Variants in ATRN observed in about 807,000 individuals in gnomAD.
ATRN encodes attractin-2.
ATRN carries 54 observed loss-of-function variants against 178.7 expected under a neutral mutation model. That is an observed-to-expected ratio of 0.30 (90% CI 0.24 to 0.38). The LOEUF (loss-of-function observed/expected upper bound fraction) is 0.38, where lower values mean the gene tolerates loss of function less well. Ranked by LOEUF, ATRN falls within the 10% of genes least tolerant of loss-of-function variation. The pLI is 1.00. For missense variants in ATRN, 1,443 were observed against 1,815.1 expected (o/e 0.79, Z 3.73); for synonymous variants, 636 against 663.0 (o/e 0.96, Z 0.63).
intron 24 of ATRN, among the ~76,000 whole-genome samples, chr20:3,612,201 A>T (rs946066968): frequency 6.6e-6 from 1 of 152,252 alleles, no homozygotes; most frequent in Non-Finnish European, 1.5e-5. Flanking sequence ...TGAACTGTTG[A>T]TATACAGAAA....
intron 22 of ATRN, among the ~76,000 whole-genome samples, chr20:3,600,211 T>C (rs2086589910): frequency 6.6e-6 from 1 of 152,196 alleles, no homozygotes; most frequent in African/African-American, 2.4e-5. Flanking sequence ...GCTTAACAGA[T>C]TCCTCAGCAA....
intron 1 of ATRN, among the ~76,000 whole-genome samples, chr20:3,504,094 G>C (rs897970766): frequency 6.6e-6 from 1 of 152,118 alleles, no homozygotes; most frequent in East Asian, 1.9e-4. Flanking sequence ...TAGATTTTCT[G>C]TATGAAAACA....
At chr20:3,475,356 T>C (rs1466126840) in intron 1 of ATRN, among the ~76,000 whole-genome samples, 1 of 152,200 alleles carries the variant, frequency 6.6e-6, no homozygotes, top group African/African-American at 2.4e-5. Flanking sequence ...TTCATGTACA[T>C]TGTATTATTT....
At chr20:3,606,629 C>G (rs575556518) in intron 24 of ATRN, among the ~76,000 whole-genome samples, 6 of 152,288 alleles carry the variant, frequency 3.9e-5, no homozygotes, top group Admixed American at 3.9e-4. Context: ...TAAACAGCAC[C>G]ACCATCACCC....
chr20:3,536,365 T>G (rs2085533254), intron 2 of ATRN, among the ~76,000 whole-genome samples: 2 of 152,012 alleles, frequency 1.3e-5, no homozygotes, highest in Middle Eastern at 3.2e-3. Flanking sequence ...TGTGCCACCA[T>G]GCCCAGCTAA....
chr20:3,541,375 C>T (rs2085620057), intron 3 of ATRN, among the ~76,000 whole-genome samples: 1 of 152,156 alleles, frequency 6.6e-6, no homozygotes, highest in Admixed American at 6.5e-5. Flanking sequence ...CCGCGCCCGG[C>T]CTAGAGGATT....
intron 22 of ATRN, among the ~76,000 whole-genome samples, chr20:3,598,466 C>A (rs887624735): frequency 1.3e-5 from 2 of 152,188 alleles, no homozygotes; most frequent in Non-Finnish European, 2.9e-5. Context: ...AGGGGACACT[C>A]TGCTCCTAGA....
Position 3,490,764 on chromosome 20 carries a change from T to A in ATRN, c.410+19247T>A, listed in dbSNP as rs994705326. The A allele has an allele frequency of 6.3e-6, 5 of 790,128 alleles. No individual in the cohort carries two copies. In the African/African-American group the frequency reaches 8.4e-5, roughly 13 times the overall value. 48.9% of individuals were successfully genotyped at this position (790,128 alleles called of 1,614,324 possible). A position where few individuals can be genotyped will look rare whatever the true frequency, so the allele number is the denominator to read the frequency against. ...TTCCTTTATTTACTCGAGTCTATTATAGAATTCAGCAAACTCACTGGGTCC... is the reference window on the plus strand; with the variant it reads ...TTCCTTTATTTACTCGAGTCTATTAAAGAATTCAGCAAACTCACTGGGTCC... On this transcript the variant is annotated intron_variant, in intron 1 of 28. Transcript: ENST00000262919.
At chr20:3,598,502 C>G (rs1010888444) in intron 22 of ATRN, among the ~76,000 whole-genome samples, 1 of 152,080 alleles carries the variant, frequency 6.6e-6, no homozygotes, top group East Asian at 1.9e-4. Flanking sequence ...CATTAGGAGG[C>G]AAAACAGCAA....
chr20:3,582,877 C>T (rs2086300007), intron 16 of ATRN, among the ~76,000 whole-genome samples: 1 of 152,164 alleles, frequency 6.6e-6, no homozygotes, highest in Admixed American at 6.5e-5. Context: ...AGCAGACAGA[C>T]ACTCGGAGTA....
At chr20:3,533,370 G>T (rs558331980) in intron 1 of ATRN, among the ~76,000 whole-genome samples, 4 of 152,188 alleles carry the variant, frequency 2.6e-5, no homozygotes, top group Non-Finnish European at 5.9e-5. Flanking sequence ...AAAGAATTCT[G>T]ATTTTTTGAT....
At chr20:3,521,467 GT>G (rs1292126107) in intron 1 of ATRN, among the ~76,000 whole-genome samples, 1 of 152,196 alleles carries the variant, frequency 6.6e-6, no homozygotes, top group African/African-American at 2.4e-5. Flanking sequence ...ATTTGTAGGT[GT>G]TTAGCAACAG....
At chr20:3,588,818 T>C (rs974122084) in intron 18 of ATRN, among the ~76,000 whole-genome samples, 54 of 152,132 alleles carry the variant, frequency 3.5e-4, no homozygotes, top group African/African-American at 1.2e-3. Context: ...CCTGGCCTTT[T>C]TCTTTACAGG....
At chr20:3,513,197 G>A (rs1433415037) in intron 1 of ATRN, among the ~76,000 whole-genome samples, 2 of 152,170 alleles carry the variant, frequency 1.3e-5, no homozygotes, top group Admixed American at 1.3e-4. Context: ...CCTGTGTCCT[G>A]AATGGTATTG....
rs555827634 is a variant in ATRN, at chr20:3,628,971, A to G, written c.3863+4399A>G. The G allele has an allele frequency of 2.8e-5, 28 of 985,222 alleles. No homozygotes were observed. The Admixed American group carries it at 1.4e-3, about 48-fold the overall frequency. 61.0% of individuals were successfully genotyped at this position (985,222 alleles called of 1,614,324 possible). ...CTGCCTTCCCCATCTGCAGCACGAC[A>G]TGCCCAGAAGTGACCAATTCCATCC... On this transcript the variant is annotated intron_variant, in intron 25 of 28. Transcript: ENST00000262919.
chr20:3,568,531 A>G (rs1189151023), intron 11 of ATRN, among the ~76,000 whole-genome samples: 2 of 152,082 alleles, frequency 1.3e-5, no homozygotes, highest in Admixed American at 6.5e-5. Flanking sequence ...TATATTTCAG[A>G]TAACAATTTG....
chr20:3,644,476 G>A (rs1032659497), intron 28 of ATRN, among the ~76,000 whole-genome samples: 5 of 152,204 alleles, frequency 3.3e-5, no homozygotes, highest in Non-Finnish European at 7.3e-5. Context: ...CTGGGGGGAC[G>A]TCCCGGGACC....
intron 24 of ATRN, among the ~76,000 whole-genome samples, chr20:3,608,209 G>A (rs1206422120): frequency 6.6e-6 from 1 of 152,098 alleles, no homozygotes. Context: ...TTTTTGGCTT[G>A]ATATAATCCC....
In ATRN at chr20:3,647,032, C is replaced by A; in HGVS notation, c.*185C>A. ...ACGGTTTCTCCCATCCGTGTTCCAGCATCTAACCTTTTACTTTTGCATAGG... is the reference window on the plus strand; with the variant it reads ...ACGGTTTCTCCCATCCGTGTTCCAGAATCTAACCTTTTACTTTTGCATAGG... On this transcript the variant is annotated 3_prime_UTR_variant, in exon 29 of 29. Transcript: ENST00000262919. The A allele has an allele frequency of 1.3e-6, 1 of 742,496 alleles. No homozygotes were observed. The highest frequency in any genetic ancestry group is 2.0e-6 in the Non-Finnish European group (1 of 492,602). 46.0% of individuals were successfully genotyped at this position (742,496 alleles called of 1,614,324 possible). A position where few individuals can be genotyped will look rare whatever the true frequency, so the allele number is the denominator to read the frequency against.
Sources: gnomAD v4.1 joint callset for allele counts (sites outside exome capture counted in the v4.1 genomes callset) on GRCh38, gnomAD v4.1.1 for gene constraint, MANE v1.5 for transcripts, NCBI Gene and HGNC (gene_info 2026-07-23, HGNC 2026-07-21) for gene names.